NHSL1: variants seen among roughly 807,000 people sequenced by gnomAD.
The protein encoded by NHSL1 is NHS like 1.
Under a neutral mutation model 95.0 loss-of-function variants are expected in NHSL1, and 48 were observed. That is an observed-to-expected ratio of 0.51 (90% confidence interval 0.40 to 0.64). NHSL1 has a LOEUF of 0.64. Ranked by LOEUF, NHSL1 falls within the 30% of genes least tolerant of loss-of-function variation. The probability of loss-of-function intolerance (pLI) is 0.00; values close to 1 mark genes in which losing one functional copy is unlikely to be tolerated. For synonymous variants in NHSL1, 783 were observed against 833.9 expected (o/e 0.94, Z 1.05); for missense variants, 1,971 against 2,077.7 (o/e 0.95, Z 1.00).
chr6:138,621,538 C>T (rs1784664303), intron 1 of NHSL1, among the ~76,000 whole-genome samples: 1 of 151,756 alleles, frequency 6.6e-6, no homozygotes, highest in Non-Finnish European at 1.5e-5. Flanking sequence ...AGTGGCTCAA[C>T]CTCAGTTCAC....
intron 3 of NHSL1, among the ~76,000 whole-genome samples, chr6:138,459,755 A>C (rs1562292474): frequency 6.6e-6 from 1 of 152,194 alleles, no homozygotes; most frequent in Non-Finnish European, 1.5e-5. Context: ...ATTTTTTTAA[A>C]TCAAGAATGG....
intron 1 of NHSL1, among the ~76,000 whole-genome samples, chr6:138,615,573 C>T (rs942351628): frequency 6.6e-6 from 1 of 152,190 alleles, no homozygotes; most frequent in Non-Finnish European, 1.5e-5. Context: ...CAGGTTCAAG[C>T]GATTCTCCTG....
At chr6:138,460,990 T>C (rs1005776261) in intron 3 of NHSL1, among the ~76,000 whole-genome samples, 2 of 151,956 alleles carry the variant, frequency 1.3e-5, no homozygotes, top group African/African-American at 4.8e-5. Context: ...GATGCCTGAA[T>C]TGAGGTTTCA....
At chr6:138,653,560 CA>C (rs1009451089) in intron 1 of NHSL1, among the ~76,000 whole-genome samples, 8 of 144,464 alleles carry the variant, frequency 5.5e-5, no homozygotes, top group South Asian at 4.4e-4. Context: ...GACTCCGTCT[CA>C]AAAAAAAAAG....
intron 3 of NHSL1, chr6:138,464,028 G>T (rs192871111): frequency 2.8e-6 from 1 of 361,290 alleles, no homozygotes; most frequent in Non-Finnish European, 5.2e-6. Context: ...TGGCATATTG[G>T]CAAGACTGAA....
chr6:138,680,668 G>A (rs1300990923), intron 1 of NHSL1, among the ~76,000 whole-genome samples: 1 of 152,096 alleles, frequency 6.6e-6, no homozygotes, highest in Admixed American at 6.5e-5. Flanking sequence ...CCAGGCTGGA[G>A]TGCAGTGGTG....
chr6:138,596,233 T>C (rs1450131727), intron 1 of NHSL1, among the ~76,000 whole-genome samples: 1 of 152,130 alleles, frequency 6.6e-6, no homozygotes, highest in Non-Finnish European at 1.5e-5. Flanking sequence ...ACATCAGGAC[T>C]GAACAACGAA....
chr6:138,475,246 G>A (rs1038714357), intron 2 of NHSL1, among the ~76,000 whole-genome samples: 1 of 151,382 alleles, frequency 6.6e-6, no homozygotes, highest in African/African-American at 2.4e-5. Context: ...TTGAGACAGG[G>A]TCTTACTCTG....
At chr6:138,638,302 T>C (rs1784915248) in intron 1 of NHSL1, among the ~76,000 whole-genome samples, 1 of 152,168 alleles carries the variant, frequency 6.6e-6, no homozygotes, top group African/African-American at 2.4e-5. Context: ...AGAGTGACTA[T>C]AGTCAATAAT....
chr6:138,584,434 T>C (rs1459693464), intron 1 of NHSL1, among the ~76,000 whole-genome samples: 2 of 152,232 alleles, frequency 1.3e-5, no homozygotes, highest in African/African-American at 4.8e-5. Flanking sequence ...TTTACAGCCA[T>C]GTGCACGGCC....
intron 1 of NHSL1, among the ~76,000 whole-genome samples, chr6:138,539,525 G>A (rs913883241): frequency 4.6e-5 from 7 of 152,128 alleles, no homozygotes; most frequent in African/African-American, 7.2e-5. Flanking sequence ...TATGGCTTAG[G>A]TGTAATACTG....
At chr6:138,522,257 T>G (rs1318607373) in intron 1 of NHSL1, among the ~76,000 whole-genome samples, 1 of 152,188 alleles carries the variant, frequency 6.6e-6, no homozygotes, top group Non-Finnish European at 1.5e-5. Flanking sequence ...GTCAAGAAAG[T>G]AACTTCAAAA....
At chr6:138,503,712 C>T (rs1426571098), upstream of NHSL1, among the ~76,000 whole-genome samples, 5 of 152,144 alleles carry the variant, frequency 3.3e-5, no homozygotes, top group African/African-American at 4.8e-5. Context: ...CTTTAAACAT[C>T]CTGCTCAACC....
At chr6:138,659,894 T>C (rs1048479706) in intron 1 of NHSL1, among the ~76,000 whole-genome samples, 1 of 152,106 alleles carries the variant, frequency 6.6e-6, no homozygotes, top group Admixed American at 6.6e-5. Context: ...TTTGTATTTT[T>C]TGGTAGAGAT....
At chr6:138,571,760 T>C in exon 1 of NHSL1, 8 of 1,552,370 alleles carry the variant, frequency 5.2e-6, no homozygotes, top group Non-Finnish European at 7.0e-6. Flanking sequence ...CACTTCCACC[T>C]GCTGCCCACA....
chr6:138,545,936 C>A (rs1782776502), upstream of NHSL1: 1 of 593,732 alleles, frequency 1.7e-6, no homozygotes, highest in Non-Finnish European at 2.1e-6. Context: ...GCAGATCAGC[C>A]CAAGGGCGAG....
chr6:138,542,618 A>T (rs1782626768), intron 1 of NHSL1, among the ~76,000 whole-genome samples: 1 of 152,234 alleles, frequency 6.6e-6, no homozygotes, highest in Non-Finnish European at 1.5e-5. Flanking sequence ...GAAGTTAGAG[A>T]AGCACTGCAA....
At chr6:138,631,536 T>G (rs1037525263) in intron 1 of NHSL1, among the ~76,000 whole-genome samples, 3 of 152,140 alleles carry the variant, frequency 2.0e-5, no homozygotes, top group Non-Finnish European at 4.4e-5. Flanking sequence ...CACAGCAGAA[T>G]AGGGCAACGG....
chr6:138,577,260 T>C (rs1033054135), upstream of NHSL1, among the ~76,000 whole-genome samples: 30 of 152,346 alleles, frequency 2.0e-4, no homozygotes, highest in Admixed American at 1.9e-3. Context: ...AGGCATGTAA[T>C]TGCTCTACTC....
Sources: allele counts gnomAD v4.1 joint callset (sites outside exome capture counted in the v4.1 genomes callset), GRCh38; gene constraint gnomAD v4.1.1; transcripts MANE v1.5; gene names NCBI Gene and HGNC (gene_info 2026-07-23, HGNC 2026-07-21).